The following TMEM184B variants were observed in gnomAD, a reference collection of about 807,000 sequenced individuals.
The protein encoded by TMEM184B is putative MAPK-activating protein FM08.
A neutral mutation model predicts 41.8 loss-of-function variants in TMEM184B; 17 were observed. That is an observed-to-expected ratio of 0.41 (90% CI 0.28 to 0.61). TMEM184B has a LOEUF of 0.61. TMEM184B is among the 20% of genes least tolerant of loss of function. The pLI, the probability that TMEM184B is intolerant of heterozygous loss-of-function variation, is 0.34. For missense variants in TMEM184B, 393 were observed against 557.8 expected (o/e 0.70, Z 2.98); for synonymous variants, 240 against 229.5 (o/e 1.05, Z -0.41).
In TMEM184B at chr22:38,221,440, G is replaced by T; in HGVS notation, c.*29C>A. 6.4e-7 allele frequency: 1 copy of T among 1,568,716 alleles called. No homozygotes were observed. On this transcript the variant is annotated 3_prime_UTR_variant, in exon 9 of 9. Coordinates refer to ENST00000361906, the MANE Select transcript of TMEM184B (RefSeq NM_012264.5). ...GGCACAGCCTGACCGTGGCTATGGC[G>T]CCAGCACTTCCGCCACTGCAGCCCG...
rs375552489 is a variant in TMEM184B at position 38,245,948 on chromosome 22, G to A, written c.345C>T (p.Arg115=). The change falls in exon 3 of 9, where the codon CGC becomes CGT. Residue 115 remains arginine, a synonymous_variant. Coordinates refer to ENST00000361906, the MANE Select transcript of TMEM184B (RefSeq NM_012264.5). ...DQYYVYFGTV[R]DCYEALVIYN... ...CCCCATCCTCACCCTCATAGCAGTC[G>A]CGGACGGTGCCGAAGTACACGTAGT... 1.1e-4 allele frequency: 163 copies of A among 1,529,778 alleles called. No homozygotes were observed. Among genetic ancestry groups the A allele is most frequent in the African/African-American group, 1.7e-4 (12 of 71,672 alleles). 94.8% of individuals were successfully genotyped at this position (1,529,778 alleles called of 1,614,324 possible).
intron 8 of TMEM184B, chr22:38,221,937 G>T: frequency 1.6e-6 from 1 of 637,670 alleles, no homozygotes; most frequent in Non-Finnish European, 2.6e-6. Flanking sequence ...GTGAAGAGGA[G>T]CAGACATAAA....
rs758377349 is a variant in TMEM184B, at chr22:38,219,798, A to G, written c.*1671T>C. Reference sequence around the variant, plus strand: ...CGGGGCAGGGCCAGGGCTGGTCCTCAGCCTGTGTCTGCACCCACCCTCCCG... The same window carrying G: ...CGGGGCAGGGCCAGGGCTGGTCCTCGGCCTGTGTCTGCACCCACCCTCCCG... On this transcript the variant is annotated 3_prime_UTR_variant, in exon 9 of 9. Transcript: ENST00000361906. 6.6e-4 allele frequency: 648 copies of G among 985,400 alleles called. No homozygotes were observed. The highest frequency in any genetic ancestry group is 7.4e-4 in the Non-Finnish European group (618 of 829,990). 61.0% of individuals were successfully genotyped at this position (985,400 alleles called of 1,614,324 possible).
In TMEM184B at chr22:38,245,975, C is replaced by G; in HGVS notation, c.318G>C (p.Gln106His). ...GGACGGTGCCGAAGTACACGTAGTA[C>G]TGGTCGTTGGTGAAGAAGAGGAGGC... ...WLSLLFFTND[Q>H]YYVYFGTVRD... The change falls in exon 3 of 9, where the codon CAG (glutamine) becomes CAC (histidine). Residue 106 changes from glutamine (Q) to histidine (H), a missense_variant. Gln to His is a conservative substitution (Grantham distance 24). This residue lies in a region of TMEM184B where 271 missense variants were observed against 434.1 expected (regional missense o/e 0.62). Coordinates refer to ENST00000361906, the MANE Select transcript of TMEM184B (RefSeq NM_012264.5). 1 of 1,551,802 alleles carries G rather than the reference C, an allele frequency of 6.4e-7. No homozygotes were observed. The highest frequency in any genetic ancestry group is 8.8e-7 in the Non-Finnish European group (1 of 1,139,324).
At chr22:38,217,830 C>CAAAA (rs374397588), downstream of TMEM184B, among the ~76,000 whole-genome samples, 4 of 87,836 alleles carry the variant, frequency 4.6e-5, no homozygotes, top group Admixed American at 2.7e-4. Context: ...GACTCCATCT[C>CAAAA]AAAAAAAAAA....
chr22:38,228,783 G>A (rs537656963), intron 5 of TMEM184B, among the ~76,000 whole-genome samples: 7 of 152,218 alleles, frequency 4.6e-5, no homozygotes, highest in Admixed American at 3.3e-4. Flanking sequence ...CCCTGCCACC[G>A]CCAGGAACAA....
At chr22:38,240,732 C>CAAA (rs550793359) in intron 3 of TMEM184B, among the ~76,000 whole-genome samples, 667 of 66,526 alleles carry the variant, frequency 0.01, 20 homozygotes, top group African/African-American at 0.036. Context: ...GAAAAAAAGG[C>CAAA]AAAAAAAAAA....
intron 3 of TMEM184B, among the ~76,000 whole-genome samples, chr22:38,234,195 A>G (rs964603747): frequency 1.3e-5 from 2 of 152,040 alleles, no homozygotes; most frequent in African/African-American, 4.8e-5. Flanking sequence ...ATGTTTTGTG[A>G]CATCTGATGT....
intron 1 of TMEM184B, among the ~76,000 whole-genome samples, chr22:38,252,749 G>A (rs1045941927): frequency 2.0e-5 from 3 of 152,162 alleles, no homozygotes; most frequent in South Asian, 2.1e-4. Context: ...TGCAACCTGC[G>A]CGGGTACTTC....
At chr22:38,241,014 G>C (rs1338442206) in intron 3 of TMEM184B, among the ~76,000 whole-genome samples, 2 of 152,230 alleles carry the variant, frequency 1.3e-5, no homozygotes, top group Non-Finnish European at 2.9e-5. Context: ...CAACCAGGCA[G>C]GGAGAGCAAA....
chr22:38,227,573 A>G (rs2145578305), intron 5 of TMEM184B, among the ~76,000 whole-genome samples: 1 of 152,196 alleles, frequency 6.6e-6, no homozygotes, highest in African/African-American at 2.4e-5. Context: ...TGGTCAGCAG[A>G]GGTCACTCTG....
At chr22:38,260,542 C>T (rs1304230091) in intron 1 of TMEM184B, among the ~76,000 whole-genome samples, 1 of 152,168 alleles carries the variant, frequency 6.6e-6, no homozygotes, top group Non-Finnish European at 1.5e-5. Flanking sequence ...CTAGACCTGA[C>T]CTCCAGCTTT....
At chr22:38,246,871 C>A (rs2092042882) in intron 2 of TMEM184B, 7 of 1,303,042 alleles carry the variant, frequency 5.4e-6, no homozygotes, top group Non-Finnish European at 7.1e-6. Flanking sequence ...ACACTTGGCC[C>A]AGCCGAGCCC....
At chr22:38,241,524 CAAAAAAA>C (rs35419850) in intron 3 of TMEM184B, among the ~76,000 whole-genome samples, 2 of 88,836 alleles carry the variant, frequency 2.3e-5, no homozygotes, top group African/African-American at 8.4e-5. Flanking sequence ...CTCATCTCTA[CAAAAAAA>C]AAAAAAAAAA....
intron 5 of TMEM184B, among the ~76,000 whole-genome samples, chr22:38,228,544 T>A (rs2091517114): frequency 6.6e-6 from 1 of 152,192 alleles, no homozygotes; most frequent in South Asian, 2.1e-4. Flanking sequence ...TGTGCCAGGT[T>A]CCAGGGCTCC....
At chr22:38,266,233 T>C (rs2145783460) in intron 1 of TMEM184B, among the ~76,000 whole-genome samples, 1 of 152,276 alleles carries the variant, frequency 6.6e-6, no homozygotes, top group East Asian at 1.9e-4. Context: ...GCATTTTAAG[T>C]TGGAAAAGAA....
At chr22:38,224,753 C>T (rs769974961) in intron 8 of TMEM184B, 32 bp downstream of exon 8, 5 of 1,541,992 alleles carry the variant, frequency 3.2e-6, no homozygotes, top group Non-Finnish European at 4.4e-6. Flanking sequence ...CTGCTTCTCC[C>T]AGCGGGGGTC....
chr22:38,229,281 G>T (rs2091541899), intron 5 of TMEM184B, among the ~76,000 whole-genome samples: 1 of 152,262 alleles, frequency 6.6e-6, no homozygotes, highest in Non-Finnish European at 1.5e-5. Flanking sequence ...GCAAGGTCAT[G>T]AAGAGTGGGC....
intron 1 of TMEM184B, among the ~76,000 whole-genome samples, chr22:38,260,520 G>T (rs574007168): frequency 1.3e-5 from 2 of 152,186 alleles, no homozygotes; most frequent in African/African-American, 4.8e-5. Flanking sequence ...CAGAACTCTG[G>T]AGCCTGACCA....
Sources: allele counts gnomAD v4.1 joint callset (sites outside exome capture counted in the v4.1 genomes callset), GRCh38; gene constraint gnomAD v4.1.1; regional missense constraint gnomAD v4.1.1; transcripts MANE v1.5; gene names NCBI Gene and HGNC (gene_info 2026-07-23, HGNC 2026-07-21).